PDE1B: variants seen among roughly 807,000 people sequenced by gnomAD.
PDE1B encodes phosphodiesterase 1B, also known as dual specificity calcium/calmodulin-dependent 3',5'-cyclic nucleotide phosphodiesterase 1B.
PDE1B carries 13 observed loss-of-function variants against 66.7 expected under a neutral mutation model. The observed-to-expected ratio is 0.19, with a 90% CI of 0.13 to 0.31. The LOEUF (loss-of-function observed/expected upper bound fraction) is 0.31. PDE1B is among the 10% of genes least tolerant of loss of function. The pLI is 1.00. For synonymous variants in PDE1B, 230 were observed against 253.9 expected (o/e 0.91, Z 0.90); for missense variants, 485 against 682.3 (o/e 0.71, Z 3.22).
rs774810310 is a variant in PDE1B at position 54,573,870 on chromosome 12, A to AGAGAGTGTGTGTGT, written c.1064+162_1064+163insAGAGTGTGTGTGTG. 12 of 502,102 alleles carry AGAGAGTGTGTGTGT rather than the reference A, an allele frequency of 2.4e-5. No individual in the cohort carries two copies. Among genetic ancestry groups the AGAGAGTGTGTGTGT allele is most frequent in the Admixed American group, 3.3e-5 (1 of 30,672 alleles). 31.1% of individuals were successfully genotyped at this position (502,102 alleles called of 1,614,324 possible). A position where few individuals can be genotyped will look rare whatever the true frequency, so the allele number is the denominator to read the frequency against. ...GCATCTCTATGTGAGAGAGAGAGAG[A>AGAGAGTGTGTGTGT]GTGTGTGTGTGTGTGTGTGTGTGTG... On this transcript the variant is annotated intron_variant, in intron 10 of 15. Transcript: ENST00000243052. The surrounding 1 kb of genome is among the most constrained non-coding windows in gnomAD (Gnocchi z 5.2).
At chr12:54,576,451 AG>A in intron 13 of PDE1B, 119 bp from the exon 14 acceptor site, 4 of 1,156,788 alleles carry the variant, frequency 3.5e-6, no homozygotes, top group Non-Finnish European at 5.0e-6. Flanking sequence ...AGAGGAAAAG[AG>A]GAAGATGAAG....
intron 2 of PDE1B, among the ~76,000 whole-genome samples, chr12:54,564,865 C>T (rs980490907): frequency 6.6e-6 from 1 of 152,168 alleles, no homozygotes; most frequent in African/African-American, 2.4e-5. Flanking sequence ...TCCAGGATTC[C>T]TGCCTCCCAG....
At chr12:54,558,797 G>A (rs185967626) in intron 2 of PDE1B, among the ~76,000 whole-genome samples, 33 of 152,328 alleles carry the variant, frequency 2.2e-4, no homozygotes, top group Admixed American at 1.9e-3. Flanking sequence ...GTGGGCATAT[G>A]GGACTTTGTT....
At position 54,573,110 on chromosome 12, in the gene PDE1B, C is replaced by T. The variant is rs758063194; in HGVS notation, c.736-38C>T. Reference sequence around the variant, plus strand: ...AGGTTCCTGGGAAGTGACCAGCAGGCGTCACCCCTCTCTCATTCTTTCTCT... The same window carrying T: ...AGGTTCCTGGGAAGTGACCAGCAGGTGTCACCCCTCTCTCATTCTTTCTCT... On this transcript the variant is annotated intron_variant, in intron 7 of 15. Transcript: ENST00000243052. The surrounding 1 kb of genome is among the most constrained non-coding windows in gnomAD (Gnocchi z 5.2). 2.6e-5 allele frequency: 38 copies of T among 1,454,608 alleles called. No individual in the cohort carries two copies. Among genetic ancestry groups the T allele is most frequent in the East Asian group, 9.1e-5 (4 of 44,192 alleles). The allele number at this position is 1,454,608 out of a possible 1,614,324, so 90.1% of individuals were successfully genotyped here.
At chr12:54,553,634 GTT>G (rs1407793579) in intron 2 of PDE1B, among the ~76,000 whole-genome samples, 1 of 152,224 alleles carries the variant, frequency 6.6e-6, no homozygotes, top group Admixed American at 6.5e-5. Flanking sequence ...ACGAGGTCCA[GTT>G]CTGTCTCTGG....
At chr12:54,572,891 C>T in intron 7 of PDE1B, 150 bp downstream of exon 7, 1 of 802,474 alleles carries the variant, frequency 1.2e-6, no homozygotes, top group Non-Finnish European at 2.1e-6. Flanking sequence ...TTAACTCACT[C>T]TAGAGAATTC....
chr12:54,562,373 C>T (rs1388317517), intron 2 of PDE1B, among the ~76,000 whole-genome samples: 1 of 152,260 alleles, frequency 6.6e-6, no homozygotes, highest in South Asian at 2.1e-4. Context: ...CTTTTCCAAT[C>T]GTGCAGGGAC....
intron 2 of PDE1B, among the ~76,000 whole-genome samples, chr12:54,556,981 T>C (rs1295716919): frequency 6.6e-6 from 1 of 152,074 alleles, no homozygotes; most frequent in Non-Finnish European, 1.5e-5. Context: ...TTTGTTGGCT[T>C]CCCTGCTCCC....
chr12:54,579,239 G>T lies in PDE1B; in HGVS notation c.*1397G>T. The stretch of plus-strand genomic sequence containing the variant: ...GAGAACAATAAAGAAGGGAGACCAG[G>T]CCTGACTGTGTGTGTTCACTGGGTA... On this transcript the variant is annotated 3_prime_UTR_variant, in exon 16 of 16. Coordinates refer to ENST00000243052, the MANE Select transcript of PDE1B (RefSeq NM_000924.4). 3 of 985,102 alleles carry T rather than the reference G, an allele frequency of 3.0e-6. No individual in the cohort carries two copies. The highest frequency in any genetic ancestry group is 3.6e-6 in the Non-Finnish European group (3 of 829,784). The allele number at this position is 985,102 out of a possible 1,614,324, so 61.0% of individuals were successfully genotyped here.
At chr12:54,561,596 T>G (rs1957412564) in intron 2 of PDE1B, 1 of 1,532,612 alleles carries the variant, frequency 6.5e-7, no homozygotes, top group Non-Finnish European at 8.7e-7. Context: ...TGGCAAACCC[T>G]GTTCCTGTTC....
intron 2 of PDE1B, among the ~76,000 whole-genome samples, chr12:54,563,828 T>G (rs1051712248): frequency 1.3e-5 from 2 of 152,190 alleles, no homozygotes; most frequent in African/African-American, 4.8e-5. Context: ...TAGTGTATAT[T>G]AGAATAATCT....
At chr12:54,574,974 C>CAAAA (rs35584396) in intron 10 of PDE1B, 124 bp from the exon 11 acceptor site, 63 of 434,554 alleles carry the variant, frequency 1.4e-4, no homozygotes, top group East Asian at 2.0e-4. Context: ...GACCCTGTCT[C>CAAAA]AAAAAAAAAA....
intron 2 of PDE1B, among the ~76,000 whole-genome samples, chr12:54,551,679 CTA>C (rs1468598602): frequency 2.6e-5 from 4 of 152,174 alleles, no homozygotes; most frequent in Non-Finnish European, 4.4e-5. Flanking sequence ...ACTAGTTTCA[CTA>C]TCTCCCACAC....
intron 2 of PDE1B, among the ~76,000 whole-genome samples, chr12:54,551,687 C>T (rs948131378): frequency 6.6e-6 from 1 of 152,130 alleles, no homozygotes; most frequent in African/African-American, 2.4e-5. Context: ...CACTATCTCC[C>T]ACACATTTCT....
rs759345757 is a variant in PDE1B at position 54,569,992 on chromosome 12, G to T, written c.478-249G>T. On this transcript the variant is annotated intron_variant, in intron 5 of 15. Coordinates refer to ENST00000243052, the MANE Select transcript of PDE1B (RefSeq NM_000924.4). The surrounding 1 kb of genome is among the most constrained non-coding windows in gnomAD (Gnocchi z 4.4). Reference sequence around the variant, plus strand: ...TGGGATTACAGACGTGAGCCACTGCGCCCGGCCTGCCTTCCCTTTTAACTG... The same window carrying T: ...TGGGATTACAGACGTGAGCCACTGCTCCCGGCCTGCCTTCCCTTTTAACTG... Among the ~76,000 whole-genome samples, 1 of 152,118 alleles carries T rather than the reference G, an allele frequency of 6.6e-6. No individual in the cohort carries two copies. Among genetic ancestry groups the T allele is most frequent in the Non-Finnish European group, 1.5e-5 (1 of 68,018 alleles).
intron 2 of PDE1B, among the ~76,000 whole-genome samples, chr12:54,555,735 A>C (rs915243275): frequency 6.6e-6 from 1 of 151,282 alleles, no homozygotes; most frequent in Non-Finnish European, 1.5e-5. Context: ...GCTCTCTCTC[A>C]TTTTCTCTTC....
At position 54,569,677 on chromosome 12, in the gene PDE1B, G is replaced by A; in HGVS notation, c.477+65G>A. The A allele has an allele frequency of 4.6e-6, 5 of 1,085,560 alleles. No individual in the cohort carries two copies. The highest frequency in any genetic ancestry group is 7.1e-6 in the Non-Finnish European group (5 of 705,208). 67.2% of individuals were successfully genotyped at this position (1,085,560 alleles called of 1,614,324 possible). On this transcript the variant is annotated intron_variant, in intron 5 of 15. Coordinates refer to ENST00000243052, the MANE Select transcript of PDE1B (RefSeq NM_000924.4). The surrounding 1 kb of genome is among the most constrained non-coding windows in gnomAD (Gnocchi z 4.4). ...GATGGAATAGCCACTGGGACTTCTA[G>A]ACCCTGTTTATGGCATTATTTTTGC...
At chr12:54,553,828 A>C (rs1273892795) in intron 2 of PDE1B, among the ~76,000 whole-genome samples, 1 of 152,188 alleles carries the variant, frequency 6.6e-6, no homozygotes, top group Admixed American at 6.5e-5. Flanking sequence ...GAGGATCCAG[A>C]AACTGTGGCG....
At position 54,570,619 on chromosome 12, in the gene PDE1B, T is replaced by C. The variant is rs550585499; in HGVS notation, c.594+262T>C. 4.4e-5 allele frequency: 19 copies of C among 436,024 alleles called. 1 individual carries two copies. Among genetic ancestry groups the C allele is most frequent in the South Asian group, 4.3e-4 (15 of 35,030 alleles). The allele number at this position is 436,024 out of a possible 1,614,324, so 27.0% of individuals were successfully genotyped here. ...ATTCTGCTCTCTCCCGCTTTGCTTT[T>C]TTCCCCCAACTTGTCCTCTCTAGGC... On this transcript the variant is annotated intron_variant, in intron 6 of 15. Coordinates refer to ENST00000243052, the MANE Select transcript of PDE1B (RefSeq NM_000924.4).
Sources: allele counts gnomAD v4.1 joint callset (sites outside exome capture counted in the v4.1 genomes callset), GRCh38; gene constraint gnomAD v4.1.1; non-coding constraint Gnocchi (gnomAD v3.1); transcripts MANE v1.5; gene names NCBI Gene and HGNC (gene_info 2026-07-23, HGNC 2026-07-21).